Variants in CSNK1G2 observed in about 807,000 individuals in gnomAD.
The protein encoded by CSNK1G2 is casein kinase I isoform gamma-2.
CSNK1G2 carries 11 observed loss-of-function variants against 48.0 expected under a neutral mutation model. The ratio of observed to expected loss-of-function variants is 0.23; its 90% confidence interval spans 0.14 to 0.38. The LOEUF is 0.38. CSNK1G2 is among the 10% of genes least tolerant of loss of function. The pLI is 1.00. For missense variants in CSNK1G2, 446 were observed against 595.5 expected (o/e 0.75, Z 2.61); for synonymous variants, 337 against 254.1 (o/e 1.33, Z -3.10).
At chr19:1,977,295 C>G (rs913377897) in intron 2 of CSNK1G2, among the ~76,000 whole-genome samples, 1 of 152,232 alleles carries the variant, frequency 6.6e-6, no homozygotes, top group South Asian at 2.1e-4. Flanking sequence ...GGCCGTGTGC[C>G]TGCAGGGACC....
chr19:1,966,436 A>C (rs1320163607), intron 1 of CSNK1G2, among the ~76,000 whole-genome samples: 1 of 152,202 alleles, frequency 6.6e-6, no homozygotes, highest in Non-Finnish European at 1.5e-5. Flanking sequence ...TCTCGCGAGA[A>C]AACTTTAACA....
At chr19:1,958,370 G>T (rs1351393972) in intron 1 of CSNK1G2, among the ~76,000 whole-genome samples, 1 of 151,986 alleles carries the variant, frequency 6.6e-6, no homozygotes, top group Non-Finnish European at 1.5e-5. Context: ...CGTGGGGTTG[G>T]TGCACCAGGG....
At chr19:1,970,847 C>T (rs1349936633) in intron 2 of CSNK1G2, among the ~76,000 whole-genome samples, 1 of 152,178 alleles carries the variant, frequency 6.6e-6, no homozygotes, top group African/African-American at 2.4e-5. Context: ...GTCCGAGAGG[C>T]CACGGCAGTG....
At position 1,978,211 on chromosome 19, in the gene CSNK1G2, G is replaced by A. The variant is rs1254809314; in HGVS notation, c.188-94G>A. ...GTCATTTGGAGGGTGGTCCTTCAGG[G>A]ACCCCCTCCTGCCTCCTGCCTCGGG... is the stretch of plus-strand genomic sequence containing the variant. On this transcript the variant is annotated intron_variant, in intron 2 of 11. Transcript: ENST00000255641. The surrounding 1 kb of genome is among the most constrained non-coding windows in gnomAD (Gnocchi z 7.3). 3 of 1,306,628 alleles carry A rather than the reference G, an allele frequency of 2.3e-6. No homozygotes were observed. Among genetic ancestry groups the A allele is most frequent in the Non-Finnish European group, 3.3e-6 (3 of 906,922 alleles). The allele number at this position is 1,306,628 out of a possible 1,614,324, so 80.9% of individuals were successfully genotyped here.
In CSNK1G2 at chr19:1,980,265, C is replaced by T. The variant is rs567605454; in HGVS notation, c.*62C>T. Reference sequence around the variant, plus strand: ...CAGCCCCTTGGGGCGCGACCTTGTGCGAGGCCCTCGGGGCCCACCCACAGC... The same window carrying T: ...CAGCCCCTTGGGGCGCGACCTTGTGTGAGGCCCTCGGGGCCCACCCACAGC... On this transcript the variant is annotated 3_prime_UTR_variant, in exon 12 of 12. Transcript: ENST00000255641. 135 of 1,593,982 alleles carry T rather than the reference C, an allele frequency of 8.5e-5. No individual in the cohort carries two copies. The highest frequency in any genetic ancestry group is 1.1e-4 in the East Asian group (5 of 44,732).
At chr19:1,950,266 A>G (rs182397829) in intron 1 of CSNK1G2, among the ~76,000 whole-genome samples, 7 of 151,790 alleles carry the variant, frequency 4.6e-5, no homozygotes, top group African/African-American at 9.7e-5. Flanking sequence ...CAGCCTCCCG[A>G]GTAGCTGGGA....
chr19:1,953,198 C>G (rs1046061969), intron 1 of CSNK1G2, among the ~76,000 whole-genome samples: 3 of 152,150 alleles, frequency 2.0e-5, no homozygotes, highest in African/African-American at 7.2e-5. Flanking sequence ...GGGTGCCTGA[C>G]TCTGCCTGCA....
In CSNK1G2 at chr19:1,978,761, G is replaced by C. The variant is rs1599333949; in HGVS notation, c.447+11G>C. On this transcript the variant is annotated intron_variant, in intron 5 of 11. Transcript: ENST00000255641. This position sits in a 1 kb window ranked among gnomAD's most constrained non-coding sequence, Gnocchi z 7.3. The stretch of plus-strand genomic sequence containing the variant: ...ATCGCCATCCAGCTGGTGCGCGGCG[G>C]GCGGGGCGGGGCGGGGCTCGGAGGG... 1.3e-6 allele frequency: 2 copies of C among 1,552,080 alleles called. No individual in the cohort carries two copies. Among genetic ancestry groups the C allele is most frequent in the Non-Finnish European group, 1.7e-6 (2 of 1,145,158 alleles).
chr19:1,954,129 T>C (rs34797288), intron 1 of CSNK1G2: 273,464 of 446,262 alleles, frequency 0.61, 86,685 homozygotes, highest in Non-Finnish European at 0.68. Context: ...ACCTGATGCG[T>C]TAAACCCATT....
intron 1 of CSNK1G2, chr19:1,953,283 C>T (rs748916329): frequency 4.6e-5 from 21 of 460,660 alleles, no homozygotes; most frequent in Non-Finnish European, 8.9e-5. Context: ...GTCAGCTCTG[C>T]CCCCGGGCCA....
chr19:1,973,017 T>C (rs1181434153), intron 2 of CSNK1G2, among the ~76,000 whole-genome samples: 28 of 150,084 alleles, frequency 1.9e-4, no homozygotes, highest in Non-Finnish European at 3.7e-4. Flanking sequence ...AAGCTCTGCC[T>C]CCCAGGTTCG....
intron 1 of CSNK1G2, among the ~76,000 whole-genome samples, chr19:1,956,814 G>A (rs1418366841): frequency 1.3e-5 from 2 of 152,208 alleles, no homozygotes; most frequent in African/African-American, 4.8e-5. Context: ...TTCTGTCTCC[G>A]GGCCAGGAGG....
intron 1 of CSNK1G2, chr19:1,968,729 C>T (rs1376911983): frequency 6.5e-6 from 1 of 152,764 alleles, no homozygotes; most frequent in Non-Finnish European, 1.5e-5. Context: ...GCCCCGTGCC[C>T]AGCCTTGCTT....
intron 7 of CSNK1G2, 31 bp from the exon 8 acceptor site, chr19:1,979,288 C>A: frequency 6.3e-7 from 1 of 1,576,374 alleles, no homozygotes; most frequent in Non-Finnish European, 8.6e-7. Context: ...GGACGCAGGG[C>A]GGGAGCAAGG....
rs2015956205 is a variant in CSNK1G2 at position 1,980,625 on chromosome 19, A to G, written c.*422A>G. On this transcript the variant is annotated 3_prime_UTR_variant, in exon 12 of 12. Coordinates refer to ENST00000255641, the MANE Select transcript of CSNK1G2 (RefSeq NM_001319.7). ...AAGTCCAGCTTGTCTCCCTCGATCC[A>G]AAGGCCGTTTTCTCGAGGGGAGGGC... 1 of 220,006 alleles carries G rather than the reference A, an allele frequency of 4.5e-6. No individual in the cohort carries two copies. The highest frequency in any genetic ancestry group is 9.3e-6 in the Non-Finnish European group (1 of 107,930). 13.6% of individuals were successfully genotyped at this position (220,006 alleles called of 1,614,324 possible). A position where few individuals can be genotyped will look rare whatever the true frequency, so the allele number is the denominator to read the frequency against.
At chr19:1,949,466 C>G (rs576190496) in intron 1 of CSNK1G2, among the ~76,000 whole-genome samples, 1 of 152,206 alleles carries the variant, frequency 6.6e-6, no homozygotes, top group East Asian at 1.9e-4. Context: ...CGCCATGGCC[C>G]GCGTCCGAGT....
Position 1,980,381 on chromosome 19 carries a change from ACTTC to A in CSNK1G2, c.*183_*186del, listed in dbSNP as rs1050278614. 2 of 725,138 alleles carry A rather than the reference ACTTC, an allele frequency of 2.8e-6. No homozygotes were observed. Among genetic ancestry groups the A allele is most frequent in the African/African-American group, 3.6e-5 (2 of 55,782 alleles). 44.9% of individuals were successfully genotyped at this position (725,138 alleles called of 1,614,324 possible). On this transcript the variant is annotated 3_prime_UTR_variant, in exon 12 of 12. Transcript: ENST00000255641. ...GGCCCCACCCCCGGGACGTGGGGTC[ACTTC>A]CTTCATGTAAGACTTTGGCCGAAAT...
intron 1 of CSNK1G2, among the ~76,000 whole-genome samples, chr19:1,958,595 C>T (rs2015081306): frequency 3.2e-5 from 4 of 124,476 alleles, no homozygotes; most frequent in Admixed American, 1.6e-4. Flanking sequence ...CCCCCGTCCC[C>T]CTGTCCCCCC....
At chr19:1,944,108 A>C (rs2014466091) in intron 1 of CSNK1G2, among the ~76,000 whole-genome samples, 1 of 151,658 alleles carries the variant, frequency 6.6e-6, no homozygotes, top group African/African-American at 2.4e-5. Context: ...CTTCGTCCTC[A>C]GGTCAGCCTC....
Sources: allele counts gnomAD v4.1 joint callset (sites outside exome capture counted in the v4.1 genomes callset), GRCh38; gene constraint gnomAD v4.1.1; non-coding constraint Gnocchi (gnomAD v3.1); transcripts MANE v1.5; gene names NCBI Gene and HGNC (gene_info 2026-07-23, HGNC 2026-07-21).